The following SEZ6L variants were observed in gnomAD, a reference collection of about 807,000 sequenced individuals.
The protein encoded by SEZ6L is seizure 6-like protein.
In SEZ6L, 37 loss-of-function variants were observed where a neutral mutation model predicts 106.2. The ratio of observed to expected loss-of-function variants is 0.35; its 90% confidence interval spans 0.27 to 0.46. The LOEUF (loss-of-function observed/expected upper bound fraction) is 0.46, where lower values mean the gene tolerates loss of function less well. Among genes scored for constraint, SEZ6L ranks in the 20% least tolerant of loss-of-function variants. The probability of loss-of-function intolerance (pLI) is 1.00; values close to 1 mark genes in which losing one functional copy is unlikely to be tolerated. For synonymous variants in SEZ6L, 541 were observed against 570.4 expected (o/e 0.95, Z 0.73); for missense variants, 1,172 against 1,332.8 (o/e 0.88, Z 1.88).
intron 9 of SEZ6L, among the ~76,000 whole-genome samples, chr22:26,337,587 G>C (rs951887926): frequency 1.3e-5 from 2 of 152,142 alleles, no homozygotes; most frequent in Non-Finnish European, 2.9e-5. Flanking sequence ...TCTCTGGGAG[G>C]CTCTTTCATA....
In SEZ6L at chr22:26,337,116, C is replaced by T. The variant is rs144088565; in HGVS notation, c.2016-3320C>T. Among the ~76,000 whole-genome samples, 418 of 152,064 alleles carry T rather than the reference C, an allele frequency of 2.7e-3. 1 individual carries two copies. Among genetic ancestry groups the T allele is most frequent in the African/African-American group, 9.6e-3 (397 of 41,376 alleles). On this transcript the variant is annotated intron_variant, in intron 9 of 16. Transcript: ENST00000248933. Reference sequence around the variant, plus strand: ...TCATCCCCAGAGCTCATGACATAGACGAGGAATATTAAGGCTGATTCACAG... The same window carrying T: ...TCATCCCCAGAGCTCATGACATAGATGAGGAATATTAAGGCTGATTCACAG...
At chr22:26,265,283 C>T (rs547951735) in intron 1 of SEZ6L, among the ~76,000 whole-genome samples, 3 of 152,266 alleles carry the variant, frequency 2.0e-5, no homozygotes, top group South Asian at 2.1e-4. Context: ...TCTGGTAACC[C>T]GGAAAAGTCC....
intron 9 of SEZ6L, among the ~76,000 whole-genome samples, chr22:26,340,151 G>T (rs1053050573): frequency 2.0e-5 from 3 of 152,080 alleles, no homozygotes; most frequent in African/African-American, 7.2e-5. Flanking sequence ...CAGGAGAATT[G>T]CTTGAACCTG....
chr22:26,344,015 C>G (rs1021560304), intron 10 of SEZ6L, among the ~76,000 whole-genome samples: 1 of 152,158 alleles, frequency 6.6e-6, no homozygotes, highest in East Asian at 1.9e-4. Flanking sequence ...TATTCTGGCT[C>G]TAGATTTTAC....
chr22:26,172,629 T>C (rs1938702973), intron 1 of SEZ6L, among the ~76,000 whole-genome samples: 1 of 152,148 alleles, frequency 6.6e-6, no homozygotes, highest in Non-Finnish European at 1.5e-5. Flanking sequence ...GAGAGGGGAA[T>C]TCTGACCTGT....
At chr22:26,171,379 C>T (rs1210737538) in intron 1 of SEZ6L, among the ~76,000 whole-genome samples, 2 of 151,956 alleles carry the variant, frequency 1.3e-5, no homozygotes, top group Admixed American at 6.6e-5. Context: ...CCCTCCCCCA[C>T]CCCCTTTTGA....
intron 1 of SEZ6L, among the ~76,000 whole-genome samples, chr22:26,173,151 G>A (rs1304004270): frequency 6.6e-5 from 10 of 152,218 alleles, no homozygotes. Flanking sequence ...TGGAAGGATG[G>A]CTGCAGGGAT....
intron 1 of SEZ6L, among the ~76,000 whole-genome samples, chr22:26,179,375 A>G (rs1277585497): frequency 6.6e-6 from 1 of 152,178 alleles, no homozygotes; most frequent in Admixed American, 6.5e-5. Flanking sequence ...TGAGTGACAG[A>G]GCAAGACCTT....
intron 8 of SEZ6L, among the ~76,000 whole-genome samples, chr22:26,312,675 A>G (rs2081876797): frequency 6.6e-6 from 1 of 152,172 alleles, no homozygotes; most frequent in Non-Finnish European, 1.5e-5. Flanking sequence ...GGTTCAAGCG[A>G]TTCTCCTGTC....
At chr22:26,171,171 G>A (rs912196349) in intron 1 of SEZ6L, among the ~76,000 whole-genome samples, 4 of 152,162 alleles carry the variant, frequency 2.6e-5, no homozygotes, top group Admixed American at 2.6e-4. Flanking sequence ...GTTTAACAAA[G>A]CATATCATTG....
intron 1 of SEZ6L, among the ~76,000 whole-genome samples, chr22:26,207,971 G>A (rs1941365792): frequency 6.6e-6 from 1 of 150,514 alleles, no homozygotes; most frequent in African/African-American, 2.4e-5. Context: ...GTGCAGTGGC[G>A]CGATCTCGAC....
chr22:26,293,006 C>T lies in SEZ6L; in HGVS notation c.695C>T (p.Ala232Val), dbSNP rs781407555. Residue 232 changes from alanine (A) to valine (V), a missense_variant, in exon 2 of 17, where the codon GCC (alanine) becomes GTC (valine). Ala to Val is a moderately conservative substitution (Grantham distance 64). Coordinates refer to ENST00000248933, the MANE Select transcript of SEZ6L (RefSeq NM_021115.5). ...GEPGPDMAQEAPQEDTSPMAL... is the reference protein window; with the variant it reads ...GEPGPDMAQEVPQEDTSPMAL... ...CCTGGGCCTGACATGGCCCAGGAGG[C>T]CCCCCAGGAGGACACCAGCCCCATG... 8.1e-6 allele frequency: 13 copies of T among 1,613,970 alleles called. No homozygotes were observed. Among genetic ancestry groups the T allele is most frequent in the Middle Eastern group, 1.6e-4 (1 of 6,084 alleles).
intron 14 of SEZ6L, among the ~76,000 whole-genome samples, chr22:26,374,622 A>G (rs2084156079): frequency 6.6e-6 from 1 of 152,104 alleles, no homozygotes; most frequent in South Asian, 2.1e-4. Context: ...GTGCTCATGC[A>G]TTTATTCTGG....
intron 14 of SEZ6L, among the ~76,000 whole-genome samples, chr22:26,374,445 A>G (rs935233296): frequency 3.9e-5 from 6 of 152,110 alleles, no homozygotes; most frequent in Admixed American, 2.0e-4. Context: ...GGGCTCATAT[A>G]TAAATGAAGG....
intron 9 of SEZ6L, among the ~76,000 whole-genome samples, chr22:26,329,208 C>G (rs750242238): frequency 2.6e-5 from 4 of 152,118 alleles, no homozygotes; most frequent in Non-Finnish European, 4.4e-5. Flanking sequence ...TGGCTCAAAC[C>G]TGTAATCCCA....
intron 1 of SEZ6L, among the ~76,000 whole-genome samples, chr22:26,269,133 A>G (rs667270): frequency 0.31 from 47,127 of 151,990 alleles, 7,942 homozygotes; most frequent in Non-Finnish European, 0.37. Context: ...TGGTTGGGGG[A>G]TATTATGGGA....
chr22:26,231,650 C>A (rs762068461), intron 1 of SEZ6L, among the ~76,000 whole-genome samples: 1 of 152,180 alleles, frequency 6.6e-6, no homozygotes, highest in Admixed American at 6.5e-5. Context: ...TTTGGTGCTG[C>A]CTTCAAGCTA....
chr22:26,337,324 TGCTACTGCGTTTTG>T (rs2082677430), intron 9 of SEZ6L, among the ~76,000 whole-genome samples: 1 of 152,222 alleles, frequency 6.6e-6, no homozygotes, highest in Non-Finnish European at 1.5e-5. Context: ...TTGAAGATGC[TGCTACTGCGTTTTG>T]GCCATTTAAG....
intron 13 of SEZ6L, among the ~76,000 whole-genome samples, chr22:26,369,545 T>C (rs2083949647): frequency 6.6e-6 from 1 of 151,548 alleles, no homozygotes; most frequent in African/African-American, 2.4e-5. Context: ...TTTCACCGTG[T>C]TAGCCAGGAT....
Sources: gnomAD v4.1 joint callset for allele counts (sites outside exome capture counted in the v4.1 genomes callset) on GRCh38, gnomAD v4.1.1 for gene constraint, MANE v1.5 for transcripts, NCBI Gene and HGNC (gene_info 2026-07-23, HGNC 2026-07-21) for gene names.